The following FSIP1 variants were observed in gnomAD, a reference collection of about 807,000 sequenced individuals.
FSIP1 encodes the protein fibrous sheath-interacting protein 1.
In FSIP1, 65 loss-of-function variants were observed where a neutral mutation model predicts 60.9. The observed-to-expected ratio is 1.07, with a 90% CI of 0.87 to 1.31. FSIP1 has a LOEUF of 1.31. FSIP1 is among the 40% of genes most tolerant of loss of function. The pLI, the probability that FSIP1 is intolerant of heterozygous loss-of-function variation, is 0.00. For missense variants in FSIP1, 675 were observed against 665.5 expected (o/e 1.01, Z -0.16); for synonymous variants, 209 against 221.2 (o/e 0.94, Z 0.49).
At chr15:39,767,906 A>G (rs1253563432) in intron 3 of FSIP1, among the ~76,000 whole-genome samples, 1 of 152,218 alleles carries the variant, frequency 6.6e-6, no homozygotes, top group Non-Finnish European at 1.5e-5. Flanking sequence ...CTGGTATACC[A>G]GGGCAAGAAC....
At chr15:39,679,320 T>C (rs1467788291) in intron 10 of FSIP1, among the ~76,000 whole-genome samples, 2 of 152,182 alleles carry the variant, frequency 1.3e-5, no homozygotes, top group Admixed American at 1.3e-4. Flanking sequence ...ACAAATATTG[T>C]AAGGCCTTGT....
At position 39,619,146 on chromosome 15, in the gene FSIP1, G is replaced by C. The variant is rs1326180738; in HGVS notation, c.1189-901C>G. On this transcript the variant is annotated intron_variant, in intron 10 of 11. Transcript: ENST00000350221. ...ATAATGTTATTGGCCTACTCTGAAG[G>C]TACATAGTAAAAAATAACTAAATAT... 2.0e-5 allele frequency among the ~76,000 whole-genome samples: 3 copies of C among 152,130 alleles called. No individual in the cohort carries two copies. In the East Asian group the frequency reaches 5.8e-4, roughly 29 times the overall value.
At chr15:39,745,053 C>T (rs1249338785) in intron 5 of FSIP1, among the ~76,000 whole-genome samples, 2 of 151,836 alleles carry the variant, frequency 1.3e-5, no homozygotes, top group Admixed American at 6.6e-5. Flanking sequence ...GGACAAGATA[C>T]GCCTCTGAGA....
At position 39,723,195 on chromosome 15, in the gene FSIP1, C is replaced by T. The variant is rs373736362; in HGVS notation, c.1050+3394G>A. ...GAGAGCTTCTAATTAGTGCCCAAGT[C>T]CACAGAACTAGTAAATGCAAAAGTC... is the stretch of plus-strand genomic sequence containing the variant. On this transcript the variant is annotated intron_variant, in intron 9 of 11. Coordinates refer to ENST00000350221, the MANE Select transcript of FSIP1 (RefSeq NM_152597.5). Among the ~76,000 whole-genome samples the T allele has an allele frequency of 8.5e-5, 13 of 152,118 alleles. No homozygotes were observed. The East Asian group carries it at 1.7e-3, about 20-fold the overall frequency.
In FSIP1 at chr15:39,739,701, A is replaced by T. The variant is rs776776764; in HGVS notation, c.744T>A (p.Gly248=). The change falls in exon 7 of 12, where the codon GGT becomes GGA. Residue 248 remains glycine (G), a synonymous_variant. Coordinates refer to ENST00000350221, the MANE Select transcript of FSIP1 (RefSeq NM_152597.5). ...FSNTEKIELR[G]KHNQDFIKRN... is the part of the protein sequence containing the mutation. ...TCTTAATAAAATCCTGGTTGTGTTT[A>T]CCCCTGAGCTCAATCTTTTCTGTAT... 6.3e-7 allele frequency: 1 copy of T among 1,599,942 alleles called. No homozygotes were observed. Among genetic ancestry groups the T allele is most frequent in the Non-Finnish European group, 8.5e-7 (1 of 1,176,906 alleles).
chr15:39,598,570 TA>T (rs1208375422), downstream of FSIP1: 1 of 152,190 alleles, frequency 6.6e-6, no homozygotes, highest in African/African-American at 2.4e-5. Context: ...AATACCAAGA[TA>T]AGACAGAAAA....
At chr15:39,671,301 T>C (rs995569691) in intron 10 of FSIP1, among the ~76,000 whole-genome samples, 1 of 152,196 alleles carries the variant, frequency 6.6e-6, no homozygotes, top group African/African-American at 2.4e-5. Flanking sequence ...CAAACAATTT[T>C]AAACAGAAAA....
intron 10 of FSIP1, among the ~76,000 whole-genome samples, chr15:39,665,366 T>A (rs188953660): frequency 6.6e-6 from 1 of 152,348 alleles, no homozygotes. Flanking sequence ...AACTACTTTA[T>A]GAATTGATTT....
intron 10 of FSIP1, among the ~76,000 whole-genome samples, chr15:39,682,136 C>T (rs1421370146): frequency 6.6e-6 from 1 of 152,134 alleles, no homozygotes; most frequent in African/African-American, 2.4e-5. Context: ...TTCCAACCAC[C>T]TTCTCCTTTA....
intron 5 of FSIP1, among the ~76,000 whole-genome samples, chr15:39,749,798 A>T (rs761639195): frequency 1.3e-5 from 2 of 152,024 alleles, no homozygotes; most frequent in Non-Finnish European, 2.9e-5. Context: ...ACAGTACTGG[A>T]AGGACCAGCA....
chr15:39,659,629 A>AAAC lies in FSIP1; in HGVS notation c.1189-41385_1189-41384insGTT, dbSNP rs763381059. On this transcript the variant is annotated intron_variant, in intron 10 of 11. Transcript: ENST00000350221. ...ATATCTCAATAAAGCTGTTATTTTA[A>AAAC]AAAAAAAAAAAAAAAGCAATGGCTT... Among the ~76,000 whole-genome samples the AAAC allele has an allele frequency of 3.4e-3, 498 of 146,188 alleles. 7 individuals carry two copies. The highest frequency in any genetic ancestry group is 5.4e-3 in the Non-Finnish European group (362 of 67,240).
At chr15:39,627,175 G>A (rs1455509095) in intron 10 of FSIP1, among the ~76,000 whole-genome samples, 1 of 152,214 alleles carries the variant, frequency 6.6e-6, no homozygotes, top group Non-Finnish European at 1.5e-5. Context: ...ACTGGATTCA[G>A]ATTACCCATC....
At chr15:39,726,362 CAT>C (rs1231221669) in intron 9 of FSIP1, among the ~76,000 whole-genome samples, 1 of 152,050 alleles carries the variant, frequency 6.6e-6, no homozygotes, top group East Asian at 1.9e-4. Flanking sequence ...TAGCTTAAAT[CAT>C]AGAGATATAA....
intron 10 of FSIP1, among the ~76,000 whole-genome samples, chr15:39,688,955 A>C (rs985800663): frequency 1.3e-5 from 2 of 152,206 alleles, no homozygotes; most frequent in African/African-American, 4.8e-5. Context: ...AAGAATTTTC[A>C]GTGGCATTAA....
At chr15:39,771,961 C>A (rs79213816) in intron 2 of FSIP1, among the ~76,000 whole-genome samples, 1 of 152,164 alleles carries the variant, frequency 6.6e-6, no homozygotes, top group African/African-American at 2.4e-5. Flanking sequence ...CCTTCCTCTG[C>A]GGCTGGGTTT....
chr15:39,677,137 T>C (rs1893976031), intron 10 of FSIP1, among the ~76,000 whole-genome samples: 1 of 152,214 alleles, frequency 6.6e-6, no homozygotes, highest in Admixed American at 6.5e-5. Context: ...TCGAAATGAA[T>C]TAGGTTTTTT....
chr15:39,636,651 A>G (rs1381186180), intron 10 of FSIP1, among the ~76,000 whole-genome samples: 1 of 152,102 alleles, frequency 6.6e-6, no homozygotes, highest in African/African-American at 2.4e-5. Flanking sequence ...CCCCTGTTCT[A>G]GTTCCCAGAG....
chr15:39,707,725 G>A (rs1895334286), intron 10 of FSIP1, among the ~76,000 whole-genome samples: 1 of 152,168 alleles, frequency 6.6e-6, no homozygotes, highest in South Asian at 2.1e-4. Flanking sequence ...TACAGTAATT[G>A]TAATTATCTC....
At chr15:39,749,439 C>T (rs965781315) in intron 5 of FSIP1, among the ~76,000 whole-genome samples, 1 of 151,736 alleles carries the variant, frequency 6.6e-6, no homozygotes, top group African/African-American at 2.4e-5. Context: ...AAACCAAATT[C>T]AACAATATAT....
Sources: allele counts gnomAD v4.1 joint callset (sites outside exome capture counted in the v4.1 genomes callset), GRCh38; gene constraint gnomAD v4.1.1; transcripts MANE v1.5; gene names NCBI Gene and HGNC (gene_info 2026-07-23, HGNC 2026-07-21).